Variants in ZNF618 observed in about 807,000 individuals in gnomAD.
ZNF618 encodes neural precursor cell expressed, developmentally down-regulated 10.
ZNF618 carries 34 observed loss-of-function variants against 103.0 expected under a neutral mutation model. The ratio of observed to expected loss-of-function variants is 0.33; its 90% CI spans 0.25 to 0.44. The LOEUF (loss-of-function observed/expected upper bound fraction) is 0.44. ZNF618 is among the 20% of genes least tolerant of loss of function. The probability of loss-of-function intolerance (pLI) is 1.00; values close to 1 mark genes in which losing one functional copy is unlikely to be tolerated. For synonymous variants in ZNF618, 551 were observed against 542.2 expected (o/e 1.02, Z -0.23); for missense variants, 1,059 against 1,295.4 (o/e 0.82, Z 2.80).
At chr9:114,006,058 G>C (rs116144641) in intron 6 of ZNF618, among the ~76,000 whole-genome samples, 2 of 152,218 alleles carry the variant, frequency 1.3e-5, no homozygotes, top group Non-Finnish European at 2.9e-5. Flanking sequence ...CAGAGAATAC[G>C]AAGAGGTGAA....
At chr9:113,936,815 T>A (rs1038212445) in intron 1 of ZNF618, among the ~76,000 whole-genome samples, 2 of 151,652 alleles carry the variant, frequency 1.3e-5, no homozygotes, top group Admixed American at 6.5e-5. Context: ...CTATTTATTA[T>A]TTTTTTAGCA....
chr9:113,893,188 A>C (rs1829760186), intron 1 of ZNF618, among the ~76,000 whole-genome samples: 1 of 152,228 alleles, frequency 6.6e-6, no homozygotes. Flanking sequence ...AACTTGCTGT[A>C]GGAAGTAGCA....
intron 1 of ZNF618, among the ~76,000 whole-genome samples, chr9:113,960,465 G>A (rs537848249): frequency 1.3e-5 from 2 of 152,332 alleles, no homozygotes; most frequent in South Asian, 2.1e-4. Flanking sequence ...CAATCTGCAT[G>A]GCTGCCTATC....
At chr9:113,944,894 A>G (rs1189422471) in intron 1 of ZNF618, among the ~76,000 whole-genome samples, 2 of 152,148 alleles carry the variant, frequency 1.3e-5, no homozygotes, top group East Asian at 1.9e-4. Flanking sequence ...CAGTAGCCAC[A>G]GGGGGCTAGT....
intron 1 of ZNF618, among the ~76,000 whole-genome samples, chr9:113,883,014 G>C (rs1216744354): frequency 2.0e-5 from 3 of 152,222 alleles, no homozygotes; most frequent in African/African-American, 7.2e-5. Context: ...ACATCTGTGA[G>C]GGTAGAGATC....
At chr9:113,963,879 C>T (rs1413350916) in intron 1 of ZNF618, among the ~76,000 whole-genome samples, 2 of 152,096 alleles carry the variant, frequency 1.3e-5, no homozygotes, top group Non-Finnish European at 2.9e-5. Context: ...GGGTGACAGA[C>T]GCTTCAGGAA....
At chr9:113,882,557 C>G (rs1828628038) in intron 1 of ZNF618, among the ~76,000 whole-genome samples, 1 of 152,164 alleles carries the variant, frequency 6.6e-6, no homozygotes, top group Non-Finnish European at 1.5e-5. Flanking sequence ...TTATCGTTAG[C>G]AGGCAAAGTT....
At chr9:113,879,064 G>C (rs1275776453) in intron 1 of ZNF618, among the ~76,000 whole-genome samples, 3 of 150,760 alleles carry the variant, frequency 2.0e-5, no homozygotes, top group Non-Finnish European at 4.4e-5. Flanking sequence ...TATTTAGGCC[G>C]ATGAGTAGGA....
At chr9:114,048,029 C>A in intron 14 of ZNF618, 35 bp downstream of exon 14, 5 of 1,526,024 alleles carry the variant, frequency 3.3e-6, no homozygotes, top group South Asian at 1.2e-5. Context: ...ACCTGAGGGT[C>A]CCCTTATGCT....
chr9:114,009,802 G>A (rs898477707), intron 9 of ZNF618, among the ~76,000 whole-genome samples: 19 of 152,140 alleles, frequency 1.2e-4, no homozygotes, highest in Non-Finnish European at 2.5e-4. Flanking sequence ...CCCAGCTCTT[G>A]GAAGGGGTTG....
At chr9:113,909,593 G>A (rs1025353432) in intron 1 of ZNF618, among the ~76,000 whole-genome samples, 1 of 152,078 alleles carries the variant, frequency 6.6e-6, no homozygotes, top group African/African-American at 2.4e-5. Flanking sequence ...TTCCTCCCTG[G>A]GACTTGCTAG....
chr9:113,935,905 T>TG (rs1833989247), intron 1 of ZNF618, among the ~76,000 whole-genome samples: 1 of 152,168 alleles, frequency 6.6e-6, no homozygotes, highest in South Asian at 2.1e-4. Flanking sequence ...AGTGTGATAA[T>TG]GCGCTTATCC....
At chr9:113,901,609 G>C (rs1323906930) in intron 1 of ZNF618, among the ~76,000 whole-genome samples, 1 of 152,188 alleles carries the variant, frequency 6.6e-6, no homozygotes, top group African/African-American at 2.4e-5. Context: ...TTGTTCCCTG[G>C]CCAGAGTCCC....
chr9:113,909,930 G>A (rs780088490), intron 1 of ZNF618, among the ~76,000 whole-genome samples: 16 of 152,006 alleles, frequency 1.1e-4, no homozygotes, highest in Non-Finnish European at 1.6e-4. Context: ...GATTATAGGC[G>A]TGTGTTACTA....
At position 114,016,778 on chromosome 9, in the gene ZNF618, C is replaced by A. The variant is rs777723676; in HGVS notation, c.838C>A (p.Pro280Thr). 3 of 1,612,674 alleles carry A rather than the reference C, an allele frequency of 1.9e-6. No individual in the cohort carries two copies. Among genetic ancestry groups the A allele is most frequent in the Non-Finnish European group, 2.5e-6 (3 of 1,179,278 alleles). ...PYQEHVALHA[P>T]ISTAPGWEPP... is the part of the protein sequence containing the mutation. ...CCAGGAGCATGTGGCCTTACACGCC[C>A]CCATCAGTGAGTACCTCCTCCCGGT... Residue 280 changes from proline to threonine, a missense_variant, in exon 10 of 15, where the codon CCC (proline) becomes ACC (threonine). By Grantham distance (38) the Pro-to-Thr change is conservative (BLOSUM62 -1). This residue lies in a region of ZNF618 where 434 missense variants were observed against 476.0 expected (regional missense o/e 0.91). Transcript: ENST00000374126.
rs776874816 is a variant in ZNF618 at position 114,049,617 on chromosome 9, C to T, written c.2315C>T (p.Thr772Met). Reference protein sequence around the residue: ...PTYVRLEKLFTAKANDAGTVS... With the variant: ...PTYVRLEKLFMAKANDAGTVS... ...TACGTCAGGCTGGAGAAGCTGTTCA[C>T]GGCCAAGGCCAACGACGCAGGCACT... The change falls in exon 15 of 15, where the codon ACG becomes ATG. Residue 772 changes from threonine (T) to methionine (M), a missense_variant. By Grantham distance (81) the Thr-to-Met change is moderately conservative (BLOSUM62 -1). Around this residue, in one of 6 missense-constraint regions of ZNF618, gnomAD observed 272 missense variants for 380.1 expected, o/e 0.72. Transcript: ENST00000374126. The T allele has an allele frequency of 2.9e-5, 47 of 1,613,738 alleles. No individual in the cohort carries two copies. Among genetic ancestry groups the T allele is most frequent in the Non-Finnish European group, 3.2e-5 (38 of 1,179,918 alleles).
At chr9:113,908,424 A>G (rs764640515) in intron 1 of ZNF618, among the ~76,000 whole-genome samples, 1 of 152,224 alleles carries the variant, frequency 6.6e-6, no homozygotes, top group Non-Finnish European at 1.5e-5. Context: ...TCCTTCCTCC[A>G]TACAAAAATA....
intron 4 of ZNF618, among the ~76,000 whole-genome samples, chr9:114,000,649 G>C (rs1423475365): frequency 6.6e-5 from 10 of 152,156 alleles, no homozygotes; most frequent in Non-Finnish European, 8.8e-5. Flanking sequence ...TGCTCTTCCA[G>C]CTTCACTTCA....
At chr9:113,889,046 T>G (rs1829349061) in intron 1 of ZNF618, among the ~76,000 whole-genome samples, 1 of 152,174 alleles carries the variant, frequency 6.6e-6, no homozygotes, top group Admixed American at 6.5e-5. Context: ...CTCACCTCAC[T>G]GTCTGTATTA....
Sources: allele counts gnomAD v4.1 joint callset (sites outside exome capture counted in the v4.1 genomes callset), GRCh38; gene constraint gnomAD v4.1.1; regional missense constraint gnomAD v4.1.1; transcripts MANE v1.5; gene names NCBI Gene and HGNC (gene_info 2026-07-23, HGNC 2026-07-21).